The following IL1RAPL1 variants were observed in gnomAD, a reference collection of about 807,000 sequenced individuals.
The protein encoded by IL1RAPL1 is interleukin 1 receptor accessory protein like 1.
Under a neutral mutation model 48.4 loss-of-function variants are expected in IL1RAPL1, and 3 were observed. The observed-to-expected ratio is 0.06, with a 90% confidence interval of 0.03 to 0.16. IL1RAPL1 has a LOEUF of 0.16. Ranked by LOEUF, IL1RAPL1 falls within the 10% of genes least tolerant of loss-of-function variation. IL1RAPL1 has a pLI of 1.00. For missense variants in IL1RAPL1, 349 were observed against 530.6 expected (o/e 0.66, Z 3.36); for synonymous variants, 185 against 187.7 (o/e 0.99, Z 0.12).
chrX:29,291,482 T>C (rs1233131463), intron 3 of IL1RAPL1, among the ~76,000 whole-genome samples: 2 of 111,470 alleles, frequency 1.8e-5, no homozygotes, highest in African/African-American at 6.5e-5. Context: ...GGTATACATG[T>C]GCCATGGTGG....
intron 2 of IL1RAPL1, among the ~76,000 whole-genome samples, chrX:29,241,863 G>C (rs1278746791): frequency 9.0e-6 from 1 of 111,695 alleles, no homozygotes; most frequent in Admixed American, 9.5e-5. Flanking sequence ...TGCTTTTGTA[G>C]AACTGAAACT....
At chrX:28,984,222 A>T (rs985490792) in intron 2 of IL1RAPL1, among the ~76,000 whole-genome samples, 1 of 111,822 alleles carries the variant, frequency 8.9e-6, no homozygotes, top group Admixed American at 9.5e-5. Context: ...TAAATTGTCT[A>T]TAAATTTTAT....
intron 2 of IL1RAPL1, among the ~76,000 whole-genome samples, chrX:29,208,426 T>A (rs1930705057): frequency 9.0e-6 from 1 of 111,239 alleles, no homozygotes; most frequent in South Asian, 3.8e-4. Context: ...AAGTCTTAGG[T>A]AGGGGCCGGG....
intron 2 of IL1RAPL1, among the ~76,000 whole-genome samples, chrX:29,210,773 G>A (rs1235190365): frequency 9.0e-6 from 1 of 111,649 alleles, no homozygotes; most frequent in Non-Finnish European, 1.9e-5. Flanking sequence ...TAAATAGCAG[G>A]AACTCAGTAA....
chrX:29,628,412 A>T (rs1208604844), intron 5 of IL1RAPL1, among the ~76,000 whole-genome samples: 2 of 111,815 alleles, frequency 1.8e-5, no homozygotes, highest in African/African-American at 6.5e-5. Flanking sequence ...TTGATGAGGG[A>T]CTATCAATGA....
intron 5 of IL1RAPL1, among the ~76,000 whole-genome samples, chrX:29,545,259 G>A (rs936847109): frequency 1.2e-4 from 13 of 109,722 alleles, no homozygotes; most frequent in Non-Finnish European, 2.1e-4. Context: ...ACAAATGTTC[G>A]TAAAATAGAA....
intron 2 of IL1RAPL1, among the ~76,000 whole-genome samples, chrX:28,862,100 A>G (rs1259389654): frequency 3.6e-5 from 4 of 112,186 alleles, no homozygotes; most frequent in Non-Finnish European, 7.5e-5. Flanking sequence ...ATTTATATCT[A>G]AAGTGTTACA....
At chrX:29,077,599 T>A (rs1927705434) in intron 2 of IL1RAPL1, among the ~76,000 whole-genome samples, 1 of 79,446 alleles carries the variant, frequency 1.3e-5, no homozygotes, top group African/African-American at 6.0e-5. Flanking sequence ...AAAGACTCTG[T>A]CTCAAAAAGA....
At chrX:28,671,843 A>T (rs990258715) in intron 1 of IL1RAPL1, among the ~76,000 whole-genome samples, 2 of 112,298 alleles carry the variant, frequency 1.8e-5, no homozygotes, top group Non-Finnish European at 3.8e-5. Flanking sequence ...GCTTTCCTAA[A>T]CGAGTTTTAT....
intron 3 of IL1RAPL1, among the ~76,000 whole-genome samples, chrX:29,336,787 C>G (rs1374271283): frequency 2.7e-5 from 3 of 111,634 alleles, no homozygotes; most frequent in Non-Finnish European, 5.6e-5. Context: ...CTTCTGGCCT[C>G]TTTGTGCAGC....
chrX:29,326,011 C>T (rs1414208170), intron 3 of IL1RAPL1, among the ~76,000 whole-genome samples: 1 of 111,928 alleles, frequency 8.9e-6, no homozygotes, highest in Non-Finnish European at 1.9e-5. Flanking sequence ...ATGACACAAA[C>T]ACCTACCACT....
chrX:28,850,329 C>T (rs947532237), intron 2 of IL1RAPL1, among the ~76,000 whole-genome samples: 3 of 111,307 alleles, frequency 2.7e-5, no homozygotes, highest in Non-Finnish European at 5.6e-5. Context: ...GCTCGAGATG[C>T]TGCTTTCTGG....
chrX:28,767,689 C>T (rs1382121501), intron 1 of IL1RAPL1, among the ~76,000 whole-genome samples: 1 of 103,229 alleles, frequency 9.7e-6, no homozygotes, highest in Non-Finnish European at 2.0e-5. Flanking sequence ...TTTATTCCAC[C>T]TCTCAATCTT....
intron 2 of IL1RAPL1, among the ~76,000 whole-genome samples, chrX:28,811,109 C>T (rs181932696): frequency 9.0e-6 from 1 of 110,617 alleles, no homozygotes; most frequent in African/African-American, 3.3e-5. Context: ...TTAAGTGTAT[C>T]ATGCTGACAC....
At chrX:29,338,702 CCTT>C (rs2147643694) in intron 3 of IL1RAPL1, among the ~76,000 whole-genome samples, 1 of 110,999 alleles carries the variant, frequency 9.0e-6, no homozygotes, top group East Asian at 2.8e-4. Context: ...TCCCTCATCC[CCTT>C]CTTCTCTTCC....
At chrX:29,832,531 C>T (rs1930902752) in intron 6 of IL1RAPL1, among the ~76,000 whole-genome samples, 1 of 110,664 alleles carries the variant, frequency 9.0e-6, no homozygotes, top group Admixed American at 9.7e-5. Flanking sequence ...TTGCATGAAA[C>T]AAAATGTGAC....
chrX:29,291,633 CTTCT>C (rs1165080174), intron 3 of IL1RAPL1, among the ~76,000 whole-genome samples: 1 of 110,880 alleles, frequency 9.0e-6, no homozygotes, highest in Non-Finnish European at 1.9e-5. Context: ...TCAACTCCCA[CTTCT>C]TAATTAGGGC....
chrX:29,170,540 TGTC>T lies in IL1RAPL1; in HGVS notation c.83-112397_83-112395del, dbSNP rs766178571. On this transcript the variant is annotated intron_variant, in intron 2 of 10. Coordinates refer to ENST00000378993, the MANE Select transcript of IL1RAPL1 (RefSeq NM_014271.4). Reference sequence around the variant, plus strand: ...CTATGATTTCAGATAATACAAACCTTGTCAGTTTTGTTTTATGAATAGGTTGGA... The same window carrying T: ...CTATGATTTCAGATAATACAAACCTTAGTTTTGTTTTATGAATAGGTTGGA... Among the ~76,000 whole-genome samples, 5 of 111,555 alleles carry T rather than the reference TGTC, an allele frequency of 4.5e-5. No individual in the cohort carries two copies. In the East Asian group the frequency reaches 1.1e-3, roughly 25 times the overall value.
chrX:28,984,721 C>T (rs753669428), intron 2 of IL1RAPL1, among the ~76,000 whole-genome samples: 71 of 111,550 alleles, frequency 6.4e-4, no homozygotes, highest in African/African-American at 2.2e-3. Flanking sequence ...CCTGACCATG[C>T]ACACTAAACA....
Sources: allele counts gnomAD v4.1 joint callset (sites outside exome capture counted in the v4.1 genomes callset), GRCh38; gene constraint gnomAD v4.1.1; transcripts MANE v1.5; gene names NCBI Gene and HGNC (gene_info 2026-07-23, HGNC 2026-07-21).